The following ZFPM2 variants were observed in gnomAD, a reference collection of about 807,000 sequenced individuals.
ZFPM2 encodes zinc finger protein ZFPM2.
In ZFPM2, 20 loss-of-function variants were observed where a neutral mutation model predicts 98.6. The observed-to-expected ratio is 0.20, with a 90% confidence interval of 0.14 to 0.29. The LOEUF (loss-of-function observed/expected upper bound fraction) is 0.29. Among genes scored for constraint, ZFPM2 ranks in the 10% least tolerant of loss-of-function variants. The pLI, the probability that ZFPM2 is intolerant of heterozygous loss-of-function variation, is 1.00. For synonymous variants in ZFPM2, 518 were observed against 502.7 expected, an observed-to-expected ratio of 1.03 and a Z score of -0.41; for missense variants, 1,310 against 1,388.6, an observed-to-expected ratio of 0.94 and a Z score of 0.90.
intron 4 of ZFPM2, among the ~76,000 whole-genome samples, chr8:105,584,318 G>A (rs1815666962): frequency 6.6e-6 from 1 of 151,472 alleles, no homozygotes; most frequent in Non-Finnish European, 1.5e-5. Flanking sequence ...TACACATTAG[G>A]CCTTTATATC....
At chr8:105,337,734 T>C (rs2129648325) in intron 1 of ZFPM2, among the ~76,000 whole-genome samples, 1 of 139,398 alleles carries the variant, frequency 7.2e-6, no homozygotes, top group Middle Eastern at 3.8e-3. Flanking sequence ...TTCATAATTC[T>C]TTTTGGTCAT....
At chr8:105,766,033 CTG>C (rs1453882145) in intron 5 of ZFPM2, among the ~76,000 whole-genome samples, 1 of 151,950 alleles carries the variant, frequency 6.6e-6, no homozygotes, top group African/African-American at 2.4e-5. Context: ...AAACTATACT[CTG>C]TTATGTGGTT....
chr8:105,345,425 C>CTTTTTTTTTTTTTTTTTTTTT (rs10560485), intron 1 of ZFPM2, among the ~76,000 whole-genome samples: 2 of 98,360 alleles, frequency 2.0e-5, no homozygotes, highest in African/African-American at 3.6e-5. Context: ...TCGTGATGTT[C>CTTTTTTTTTTTTTTTTTTTTT]TTTTTTTTTT....
intron 5 of ZFPM2, among the ~76,000 whole-genome samples, chr8:105,781,852 A>G (rs1427324833): frequency 1.3e-5 from 2 of 152,244 alleles, no homozygotes; most frequent in Non-Finnish European, 2.9e-5. Context: ...TGCTTCATAA[A>G]TTGAACCACC....
At chr8:105,688,416 T>A (rs562676884) in intron 5 of ZFPM2, among the ~76,000 whole-genome samples, 60 of 152,204 alleles carry the variant, frequency 3.9e-4, no homozygotes, top group African/African-American at 1.4e-3. Flanking sequence ...TTGTAGGTGG[T>A]TTTATTCAAA....
intron 2 of ZFPM2, among the ~76,000 whole-genome samples, chr8:105,425,160 G>A (rs73302136): frequency 0.013 from 1,996 of 152,006 alleles, 42 homozygotes; most frequent in African/African-American, 0.046. Flanking sequence ...GGAATCTGTT[G>A]GATTCCCACT....
intron 1 of ZFPM2, among the ~76,000 whole-genome samples, chr8:105,371,656 A>C (rs961781380): frequency 3.9e-5 from 6 of 152,352 alleles, no homozygotes; most frequent in African/African-American, 1.4e-4. Context: ...ATTAAATTTT[A>C]GGTCATGACT....
intron 1 of ZFPM2, among the ~76,000 whole-genome samples, chr8:105,358,829 C>T (rs1563620120): frequency 6.6e-6 from 1 of 152,078 alleles, no homozygotes; most frequent in Non-Finnish European, 1.5e-5. Flanking sequence ...GTGGTGCGTG[C>T]CTGTAGTCCC....
Position 105,400,875 on chromosome 8 carries a change from G to A in ZFPM2, c.41-18269G>A, listed in dbSNP as rs547773972. Among the ~76,000 whole-genome samples, 37 of 151,896 alleles carry A rather than the reference G, an allele frequency of 2.4e-4. No individual in the cohort carries two copies. In the South Asian group the frequency reaches 2.5e-3, roughly 10 times the overall value. On this transcript the variant is annotated intron_variant, in intron 1 of 7. Coordinates refer to ENST00000407775, the MANE Select transcript of ZFPM2 (RefSeq NM_012082.4). ...TCAACATTGACACCGGGGCTAAGTC[G>A]TACCCATATTAGACAATGCAGAATT... is the stretch of plus-strand genomic sequence containing the variant.
rs1348000911 is a variant in ZFPM2 at position 105,758,351 on chromosome 8, A to T, written c.533-30367A>T. ...TCCAAGAGAATACTTGACAGTTGAA[A>T]ATCTCTCCCTCTCTTTATTCCACAC... On this transcript the variant is annotated intron_variant, in intron 5 of 7. Transcript: ENST00000407775. Among the ~76,000 whole-genome samples, 5 of 152,098 alleles carry T rather than the reference A, an allele frequency of 3.3e-5. No homozygotes were observed. The East Asian group carries it at 9.7e-4, about 29-fold the overall frequency.
intron 2 of ZFPM2, among the ~76,000 whole-genome samples, chr8:105,430,070 G>A (rs1347854297): frequency 6.6e-6 from 1 of 152,094 alleles, no homozygotes; most frequent in Non-Finnish European, 1.5e-5. Flanking sequence ...CGTTTGACAG[G>A]GGTTTCTGAA....
intron 5 of ZFPM2, among the ~76,000 whole-genome samples, chr8:105,729,699 T>C (rs1463132184): frequency 6.6e-6 from 1 of 151,658 alleles, no homozygotes; most frequent in Non-Finnish European, 1.5e-5. Context: ...ATTCTGCAAA[T>C]TTCTATCCTA....
chr8:105,707,335 G>A (rs1196860551), intron 5 of ZFPM2, among the ~76,000 whole-genome samples: 2 of 151,944 alleles, frequency 1.3e-5, no homozygotes, highest in African/African-American at 4.8e-5. Flanking sequence ...TCTATGTAAA[G>A]GTGACCAAAT....
chr8:105,658,680 C>CTGG (rs1253490351), intron 5 of ZFPM2, among the ~76,000 whole-genome samples: 3 of 150,334 alleles, frequency 2.0e-5, no homozygotes, highest in African/African-American at 7.3e-5. Context: ...TCTTGACTGT[C>CTGG]TAACCAAAGT....
In ZFPM2 at chr8:105,801,089, A is replaced by C; in HGVS notation, c.1007A>C (p.Lys336Thr). Residue 336 changes from lysine to threonine, a missense_variant, in exon 8 of 8, where the codon AAA (lysine) becomes ACA (threonine). Coordinates refer to ENST00000407775, the MANE Select transcript of ZFPM2 (RefSeq NM_012082.4). Reference protein sequence around the residue: ...EEFLPPGASLKCTVCSYTADS... With the variant: ...EEFLPPGASLTCTVCSYTADS... ...TTCCTGCCCCCTGGTGCTAGTCTAA[A>C]ATGCACCGTCTGTAGCTACACTGCT... The C allele has an allele frequency of 6.2e-7, 1 of 1,613,840 alleles. No individual in the cohort carries two copies.
chr8:105,463,032 G>C (rs1404713574), intron 3 of ZFPM2, among the ~76,000 whole-genome samples: 1 of 151,864 alleles, frequency 6.6e-6, no homozygotes, highest in Non-Finnish European at 1.5e-5. Flanking sequence ...AATATAAAAT[G>C]GTGGAATAAA....
chr8:105,339,227 A>G (rs1298365530), intron 1 of ZFPM2, among the ~76,000 whole-genome samples: 1 of 151,900 alleles, frequency 6.6e-6, no homozygotes, highest in East Asian at 1.9e-4. Context: ...AACTGCTTCA[A>G]TTAAGAAACA....
At chr8:105,621,103 C>G (rs1454199332) in intron 4 of ZFPM2, among the ~76,000 whole-genome samples, 1 of 152,146 alleles carries the variant, frequency 6.6e-6, no homozygotes, top group Non-Finnish European at 1.5e-5. Flanking sequence ...GGCATTCAAT[C>G]TATAAATTAC....
intron 7 of ZFPM2, among the ~76,000 whole-genome samples, 174 bp downstream of exon 7, chr8:105,799,122 T>C (rs1481415668): frequency 6.6e-6 from 1 of 152,228 alleles, no homozygotes; most frequent in Non-Finnish European, 1.5e-5. Flanking sequence ...CAGCATATGT[T>C]ACTCAAAGGA....
Sources: allele counts gnomAD v4.1 joint callset (sites outside exome capture counted in the v4.1 genomes callset), GRCh38; gene constraint gnomAD v4.1.1; transcripts MANE v1.5; gene names NCBI Gene and HGNC (gene_info 2026-07-23, HGNC 2026-07-21).